Variants in RPS15A observed in about 807,000 individuals in gnomAD.
RPS15A encodes the protein small ribosomal subunit protein uS8.
For missense variants in RPS15A, 62 were observed against 163.4 expected (o/e 0.38, Z 3.38); for synonymous variants, 55 against 58.5 (o/e 0.94, Z 0.27).
chr16:18,788,497 T>C (rs986298326), intron 2 of RPS15A: 1 of 212,222 alleles, frequency 4.7e-6, no homozygotes, highest in Non-Finnish European at 9.5e-6. Context: ...TTCTTTCTTT[T>C]TTTTTTTTTT....
At chr16:18,789,276 A>G in intron 1 of RPS15A, 158 bp from the exon 2 acceptor site, 1 of 653,966 alleles carries the variant, frequency 1.5e-6, no homozygotes, top group Non-Finnish European at 2.5e-6. Context: ...ACCACCCAGG[A>G]AAATTCCTAT....
At chr16:18,783,208 T>TG in intron 4 of RPS15A, 106 bp from the exon 5 acceptor site, 1 of 708,012 alleles carries the variant, frequency 1.4e-6, no homozygotes, top group Non-Finnish European at 2.4e-6. Context: ...CGCTTTCCTG[T>TG]GGGGCACATA....
At chr16:18,784,717 A>G in intron 4 of RPS15A, 21 bp downstream of exon 4, 1 of 1,571,388 alleles carries the variant, frequency 6.4e-7, no homozygotes, top group Non-Finnish European at 8.6e-7. Context: ...ACTTCTTTTA[A>G]TTAAGGAAAG....
chr16:18,783,750 C>T (rs1216026738), intron 4 of RPS15A: 2 of 453,720 alleles, frequency 4.4e-6, no homozygotes, highest in South Asian at 3.1e-5. Flanking sequence ...TGTGTCAGCT[C>T]ATAAAGTGCT....
chr16:18,783,637 G>A (rs529735846), intron 4 of RPS15A: 7 of 455,554 alleles, frequency 1.5e-5, no homozygotes, highest in East Asian at 1.4e-4. Flanking sequence ...TGAGAATACC[G>A]TACCTGTAAT....
At chr16:18,786,951 G>A (rs954245768) in intron 3 of RPS15A, among the ~76,000 whole-genome samples, 16 of 152,204 alleles carry the variant, frequency 1.1e-4, no homozygotes, top group Non-Finnish European at 1.8e-4. Flanking sequence ...TGTAACCTCC[G>A]CCTGCCAGGT....
At position 18,783,159 on chromosome 16, in the gene RPS15A, T is replaced by C. The variant is rs1007454954; in HGVS notation, c.300-57A>G. ...TTTAATAGTTCAACATAGTGCCTTC[T>C]AGTGCAGAAAAACATCAACACTCAT... is the stretch of plus-strand genomic sequence containing the variant. On this transcript the variant is annotated intron_variant, in intron 4 of 4. Coordinates refer to ENST00000322989, the MANE Select transcript of RPS15A (RefSeq NM_001019.5). 8.7e-6 allele frequency: 10 copies of C among 1,156,068 alleles called. No individual in the cohort carries two copies. The African/African-American group carries it at 1.5e-4, about 18-fold the overall frequency. 71.6% of individuals were successfully genotyped at this position (1,156,068 alleles called of 1,614,324 possible). A position where few individuals can be genotyped will look rare whatever the true frequency, so the allele number is the denominator to read the frequency against.
Position 18,783,096 on chromosome 16 carries a change from A to T in RPS15A, c.306T>A (p.Ile102=). ...TGATGCCAGCTGAGGTTGTCAGTAC[A>T]ATGAAACTATGGAGTGGAAAAAGAA... ...NLLPSRQFGF[I]VLTTSAGIMD... Residue 102 remains isoleucine (I), a synonymous_variant, in exon 5 of 5, where the codon ATT becomes ATA. Coordinates refer to ENST00000322989, the MANE Select transcript of RPS15A (RefSeq NM_001019.5). 6.2e-7 allele frequency: 1 copy of T among 1,606,326 alleles called. No homozygotes were observed. Among genetic ancestry groups the T allele is most frequent in the Non-Finnish European group, 8.5e-7 (1 of 1,174,996 alleles).
intron 2 of RPS15A, 23 bp downstream of exon 2, chr16:18,788,958 A>G: frequency 1.9e-6 from 3 of 1,603,450 alleles, no homozygotes; most frequent in Non-Finnish European, 2.6e-6. Context: ...TGAAAACATA[A>G]AACACAGCGG....
chr16:18,782,370 T>C lies in RPS15A; in HGVS notation c.*639A>G, dbSNP rs925973396. On this transcript the variant is annotated 3_prime_UTR_variant, in exon 5 of 5. Coordinates refer to ENST00000322989, the MANE Select transcript of RPS15A (RefSeq NM_001019.5). ...TCAGTGACAAAAGCCAGATCTAAAA[T>C]CCTATCTACAGAATAATCCTAGCCA... 1.6e-4 allele frequency: 23 copies of C among 145,024 alleles called. No homozygotes were observed. The highest frequency in any genetic ancestry group is 5.1e-4 in the African/African-American group (20 of 39,328). 9.0% of individuals were successfully genotyped at this position (145,024 alleles called of 1,614,324 possible). A position where few individuals can be genotyped will look rare whatever the true frequency, so the allele number is the denominator to read the frequency against.
chr16:18,786,720 G>A (rs1302753425), intron 3 of RPS15A: 1 of 151,528 alleles, frequency 6.6e-6, no homozygotes, highest in Admixed American at 6.6e-5. Flanking sequence ...AAGCTGCAGT[G>A]AGCCAAGATG....
At chr16:18,785,471 C>G (rs376164251) in intron 3 of RPS15A, 11 of 152,154 alleles carry the variant, frequency 7.2e-5, no homozygotes, top group Admixed American at 2.0e-4. Flanking sequence ...TCGCCAAGGG[C>G]TGCCATCACT....
Position 18,783,326 on chromosome 16 carries a change from C to T in RPS15A, c.300-224G>A, listed in dbSNP as rs537340989. 19 of 531,836 alleles carry T rather than the reference C, an allele frequency of 3.6e-5. No homozygotes were observed. In the East Asian group the frequency reaches 5.8e-4, roughly 16 times the overall value. The allele number at this position is 531,836 out of a possible 1,614,324, so 32.9% of individuals were successfully genotyped here. ...GAGCCCAGCCACACAATCACACAGC[C>T]CTGACTTCTGCCTACACCATGAAAC... On this transcript the variant is annotated intron_variant, in intron 4 of 4. Coordinates refer to ENST00000322989, the MANE Select transcript of RPS15A (RefSeq NM_001019.5).
At chr16:18,788,493 CTTT>C (rs1209438434) in intron 2 of RPS15A, 115 of 180,606 alleles carry the variant, frequency 6.4e-4, no homozygotes, top group South Asian at 2.3e-3. Flanking sequence ...TCCTTTCTTT[CTTT>C]TTTTTTTTTT....
chr16:18,787,094 A>G (rs918497337), intron 3 of RPS15A, among the ~76,000 whole-genome samples: 12 of 152,148 alleles, frequency 7.9e-5, no homozygotes, highest in Admixed American at 7.2e-4. Context: ...CAAACTCCTG[A>G]CCTCGTGATC....
chr16:18,784,502 T>C (rs1904015975), intron 4 of RPS15A: 1 of 416,580 alleles, frequency 2.4e-6, no homozygotes, highest in African/African-American at 2.1e-5. Context: ...TGCCTCAGCC[T>C]CCCAAAATGC....
chr16:18,785,089 C>T (rs373493137), intron 3 of RPS15A: 3 of 358,028 alleles, frequency 8.4e-6, no homozygotes, highest in Middle Eastern at 7.3e-4. Context: ...TGGCGTGCTC[C>T]CTGTTGGCTG....
chr16:18,788,972 C>G lies in RPS15A; in HGVS notation c.133+9G>C. The G allele has an allele frequency of 6.2e-7, 1 of 1,608,428 alleles. No homozygotes were observed. Among genetic ancestry groups the G allele is most frequent in the South Asian group, 1.1e-5 (1 of 90,340 alleles). On this transcript the variant is annotated intron_variant, in intron 2 of 4. Transcript: ENST00000322989. ...ATGAAAACATAAAACACAGCGGCAG[C>G]AGACTTACCATGCTTCATCATCACA...
chr16:18,787,294 T>C (rs540586589), intron 3 of RPS15A, among the ~76,000 whole-genome samples: 4 of 152,378 alleles, frequency 2.6e-5, no homozygotes, highest in South Asian at 2.1e-4. Flanking sequence ...CTGTTTCTAG[T>C]TGGGCCAGTA....
Sources: gnomAD v4.1 joint callset for allele counts (sites outside exome capture counted in the v4.1 genomes callset) on GRCh38, gnomAD v4.1.1 for gene constraint, MANE v1.5 for transcripts, NCBI Gene and HGNC (gene_info 2026-07-23, HGNC 2026-07-21) for gene names.